CAST: variants seen among roughly 807,000 people sequenced by gnomAD.
CAST encodes the protein calpastatin.
Under a neutral mutation model 119.6 loss-of-function variants are expected in CAST, and 76 were observed. That is an observed-to-expected ratio of 0.64 (90% CI 0.53 to 0.77). CAST has a LOEUF of 0.77. CAST is among the 30% of genes least tolerant of loss of function. CAST has a pLI of 0.00. For missense variants in CAST, 953 were observed against 946.5 expected, an observed-to-expected ratio of 1.01 and a Z score of -0.09; for synonymous variants, 319 against 331.6, an observed-to-expected ratio of 0.96 and a Z score of 0.41.
chr5:96,508,020 T>C, the CAST span, among the ~76,000 whole-genome samples: 1 of 116,594 alleles, frequency 8.6e-6, no homozygotes, highest in Non-Finnish European at 2.0e-5. Flanking sequence ...TTATTATTAT[T>C]ATTATTATTA....
chr5:95,990,314 C>T, the CAST span, among the ~76,000 whole-genome samples: 5 of 151,918 alleles, frequency 3.3e-5, no homozygotes, highest in Non-Finnish European at 7.4e-5. Context: ...AGGAAGTTTC[C>T]TTATCAATAG....
chr5:96,683,730 T>G (rs1751720589), intron 2 of CAST, among the ~76,000 whole-genome samples: 1 of 152,208 alleles, frequency 6.6e-6, no homozygotes, highest in African/African-American at 2.4e-5. Flanking sequence ...ACATAGATAT[T>G]AGAATTATTT....
At chr5:96,487,738 T>C in the CAST span, among the ~76,000 whole-genome samples, 1 of 152,236 alleles carries the variant, frequency 6.6e-6, no homozygotes, top group Non-Finnish European at 1.5e-5. Flanking sequence ...AAGAAAGTAC[T>C]TAGATAAGGG....
the CAST span, chr5:96,421,993 TAAAAAAAAAAAAA>T: frequency 1.2e-4 from 44 of 358,334 alleles, no homozygotes; most frequent in East Asian, 1.7e-4. Flanking sequence ...GTGGCAGCAT[TAAAAAAAAAAAAA>T]AAAAAAAAAA....
At chr5:96,045,367 A>G in the CAST span, among the ~76,000 whole-genome samples, 19 of 151,934 alleles carry the variant, frequency 1.3e-4, no homozygotes, top group African/African-American at 4.6e-4. Context: ...AAAAAAAAAA[A>G]AAAGAAAAGA....
the CAST span, among the ~76,000 whole-genome samples, chr5:96,181,587 G>A: frequency 6.6e-6 from 1 of 152,246 alleles, no homozygotes; most frequent in Non-Finnish European, 1.5e-5. Context: ...CCGAGGTGCA[G>A]ATAAATGGAG....
chr5:95,978,965 G>A, the CAST span, among the ~76,000 whole-genome samples: 3 of 152,098 alleles, frequency 2.0e-5, no homozygotes, highest in Non-Finnish European at 4.4e-5. Context: ...TTAAATGTGG[G>A]AAATTCACAC....
chr5:96,355,873 T>C, the CAST span, among the ~76,000 whole-genome samples: 1 of 152,112 alleles, frequency 6.6e-6, no homozygotes, highest in Non-Finnish European at 1.5e-5. Context: ...AGCTAATTTT[T>C]GTATTTTTAG....
chr5:96,311,652 T>C, the CAST span, among the ~76,000 whole-genome samples: 2 of 152,124 alleles, frequency 1.3e-5, no homozygotes, highest in South Asian at 2.1e-4. Flanking sequence ...TATCATCACA[T>C]AATATCCTTC....
the CAST span, among the ~76,000 whole-genome samples, chr5:96,316,499 A>G: frequency 6.6e-6 from 1 of 152,258 alleles, no homozygotes; most frequent in Non-Finnish European, 1.5e-5. Flanking sequence ...GACTAGATGC[A>G]GAGAATGTTA....
chr5:96,643,534 T>C (rs183582351), intron 1 of CAST, among the ~76,000 whole-genome samples: 9 of 151,902 alleles, frequency 5.9e-5, no homozygotes, highest in Non-Finnish European at 1.0e-4. Context: ...GGTCAGGAGT[T>C]CGAGACCAGT....
At chr5:96,482,579 C>G in the CAST span, among the ~76,000 whole-genome samples, 2 of 151,802 alleles carry the variant, frequency 1.3e-5, no homozygotes, top group Non-Finnish European at 2.9e-5. Context: ...TCTATGCATT[C>G]TGTAGTAAAA....
At chr5:96,617,100 A>G (rs541481944) in intron 1 of CAST, among the ~76,000 whole-genome samples, 5 of 152,330 alleles carry the variant, frequency 3.3e-5, no homozygotes, top group Non-Finnish European at 5.9e-5. Context: ...ACTTTATAAA[A>G]TAAAGACACC....
At chr5:96,708,044 G>A (rs1293661077) in intron 3 of CAST, among the ~76,000 whole-genome samples, 2 of 152,166 alleles carry the variant, frequency 1.3e-5, no homozygotes, top group African/African-American at 4.8e-5. Flanking sequence ...AGGAAATTGT[G>A]TTTATATCCG....
At chr5:96,432,160 G>C in the CAST span, 6 of 1,533,416 alleles carry the variant, frequency 3.9e-6, no homozygotes, top group Non-Finnish European at 5.2e-6. Context: ...GGGACTGGCC[G>C]GGCAAAGTTA....
chr5:96,393,493 AG>A, the CAST span: 1 of 1,232,498 alleles, frequency 8.1e-7, no homozygotes, highest in Non-Finnish European at 1.2e-6. Flanking sequence ...CAATGAGGGG[AG>A]GGGAGAGAGT....
chr5:96,770,638 A>G (rs1332041114), intron 30 of CAST, 36 bp downstream of exon 30: 2 of 1,350,988 alleles, frequency 1.5e-6, no homozygotes, highest in East Asian at 2.3e-5. Context: ...AAATTAGTTT[A>G]GCAGTTACAC....
the CAST span, among the ~76,000 whole-genome samples, chr5:96,276,259 A>G: frequency 1.8e-3 from 269 of 152,352 alleles, no homozygotes; most frequent in Non-Finnish European, 2.0e-3. Context: ...AAATAGCCAT[A>G]TAAAAACCCA....
chr5:96,739,399 A>G (rs1561553107), intron 11 of CAST, among the ~76,000 whole-genome samples: 1 of 152,396 alleles, frequency 6.6e-6, no homozygotes, highest in South Asian at 2.1e-4. Flanking sequence ...TGGATTATTC[A>G]TGTATCAACA....
Sources: allele counts gnomAD v4.1 joint callset (sites outside exome capture counted in the v4.1 genomes callset), GRCh38; gene constraint gnomAD v4.1.1; transcripts MANE v1.5; gene names NCBI Gene and HGNC (gene_info 2026-07-23, HGNC 2026-07-21).